Variants in SEC24D observed in about 807,000 individuals in gnomAD.
SEC24D encodes the protein SEC24 homolog D, COPII component.
In SEC24D, 69 loss-of-function variants were observed where a neutral mutation model predicts 116.9. The observed-to-expected ratio is 0.59, with a 90% CI of 0.49 to 0.72. The LOEUF (loss-of-function observed/expected upper bound fraction) is 0.72, where lower values mean the gene tolerates loss of function less well. SEC24D is among the 30% of genes least tolerant of loss of function. The probability of loss-of-function intolerance (pLI) is 0.00; values close to 1 mark genes in which losing one functional copy is unlikely to be tolerated. For synonymous variants in SEC24D, 405 were observed against 442.8 expected (o/e 0.91, Z 1.07); for missense variants, 1,131 against 1,264.1 (o/e 0.89, Z 1.60).
chr4:118,815,380 A>G (rs1177757361), intron 5 of SEC24D, 71 bp downstream of exon 5: 1 of 1,556,698 alleles, frequency 6.4e-7, no homozygotes, highest in East Asian at 2.2e-5. Flanking sequence ...TAACATAGGA[A>G]CAAAGCTGAT....
chr4:118,780,017 C>T (rs997495066), intron 8 of SEC24D, among the ~76,000 whole-genome samples: 6 of 151,984 alleles, frequency 3.9e-5, no homozygotes, highest in South Asian at 2.1e-4. Flanking sequence ...GTCTTGCTAG[C>T]GGTCTATCAA....
chr4:118,787,851 C>T (rs1728721498), intron 8 of SEC24D, among the ~76,000 whole-genome samples: 1 of 152,182 alleles, frequency 6.6e-6, no homozygotes, highest in African/African-American at 2.4e-5. Context: ...CGAGGTCTCA[C>T]TCTGACACCA....
intron 2 of SEC24D, among the ~76,000 whole-genome samples, chr4:118,829,864 A>G (rs1464684864): frequency 3.3e-5 from 5 of 152,240 alleles, no homozygotes; most frequent in Admixed American, 3.3e-4. Context: ...AACACAATGA[A>G]TAAGCATAAA....
intron 8 of SEC24D, among the ~76,000 whole-genome samples, chr4:118,794,789 T>C (rs1203233272): frequency 6.6e-6 from 1 of 152,208 alleles, no homozygotes; most frequent in East Asian, 1.9e-4. Context: ...TCAAAATTGA[T>C]TTTGTATGTA....
intron 20 of SEC24D, among the ~76,000 whole-genome samples, chr4:118,732,164 C>T (rs535729171): frequency 2.6e-5 from 4 of 152,130 alleles, no homozygotes; most frequent in South Asian, 2.1e-4. Context: ...TTTTTTGAGA[C>T]GGAGTCTTGC....
chr4:118,803,675 A>C (rs899676126), intron 7 of SEC24D, among the ~76,000 whole-genome samples: 54 of 152,232 alleles, frequency 3.5e-4, no homozygotes, highest in African/African-American at 1.3e-3. Context: ...CAGTGAAGTT[A>C]AGAACACAGG....
intron 7 of SEC24D, among the ~76,000 whole-genome samples, chr4:118,803,822 A>T (rs991586912): frequency 3.7e-4 from 56 of 152,196 alleles, no homozygotes; most frequent in African/African-American, 1.3e-3. Context: ...CCTATCTCGT[A>T]ACATTACAGG....
intron 8 of SEC24D, among the ~76,000 whole-genome samples, chr4:118,780,801 G>T (rs1181241830): frequency 6.6e-6 from 1 of 151,600 alleles, no homozygotes; most frequent in African/African-American, 2.4e-5. Context: ...GGATAGTTAG[G>T]TCTTCTTGTT....
intron 6 of SEC24D, among the ~76,000 whole-genome samples, chr4:118,806,630 G>A (rs1227705298): frequency 2.0e-5 from 3 of 151,386 alleles, no homozygotes; most frequent in Non-Finnish European, 4.4e-5. Context: ...ACTGCACCTG[G>A]CCAGCATTTT....
intron 19 of SEC24D, 156 bp from the exon 20 acceptor site, chr4:118,733,068 C>A (rs1436264893): frequency 3.2e-6 from 2 of 619,242 alleles, no homozygotes; most frequent in Non-Finnish European, 5.6e-6. Context: ...CACACAGTAA[C>A]TGGCACAGAG....
At chr4:118,726,055 A>T (rs970801690) in intron 22 of SEC24D, among the ~76,000 whole-genome samples, 1 of 152,342 alleles carries the variant, frequency 6.6e-6, no homozygotes, top group East Asian at 1.9e-4. Flanking sequence ...TGCCTTCTCC[A>T]AGGGAAGACT....
At chr4:118,794,832 CCCG>C (rs1729104365) in intron 8 of SEC24D, among the ~76,000 whole-genome samples, 1 of 151,938 alleles carries the variant, frequency 6.6e-6, no homozygotes, top group Non-Finnish European at 1.5e-5. Context: ...AATATATTAC[CCCG>C]CTGTTTTAAA....
rs776486765 is a variant in SEC24D at position 118,728,623 on chromosome 4, A to G, written c.2896T>C (p.Tyr966His). ...MTLLPEVGNP[Y>H]SQQLRMIMGI... The stretch of plus-strand genomic sequence containing the variant: ...ATTATCATTCTGAGTTGTTGAGAGT[A>G]TGGGTTTCCCACTTCAGGCAGCAAT... The change falls in exon 22 of 23, where the codon TAC becomes CAC. Residue 966 changes from tyrosine to histidine, a missense_variant. Tyr to His is a moderately conservative substitution (Grantham distance 83, BLOSUM62 2). Transcript: ENST00000280551. The G allele has an allele frequency of 6.2e-7, 1 of 1,610,502 alleles. No individual in the cohort carries two copies. The highest frequency in any genetic ancestry group is 1.1e-5 in the South Asian group (1 of 90,752).
intron 1 of SEC24D, 113 bp from the exon 2 acceptor site, chr4:118,833,850 T>A: frequency 1.7e-6 from 1 of 578,512 alleles, no homozygotes; most frequent in Non-Finnish European, 3.1e-6. Context: ...AAAGTACAGA[T>A]ATCAGGTACA....
At chr4:118,790,624 A>G (rs1430411745) in intron 8 of SEC24D, among the ~76,000 whole-genome samples, 1 of 152,092 alleles carries the variant, frequency 6.6e-6, no homozygotes, top group Non-Finnish European at 1.5e-5. Context: ...TACGAAATTT[A>G]AACAGTGACA....
intron 14 of SEC24D, among the ~76,000 whole-genome samples, chr4:118,744,457 G>A (rs1005741583): frequency 1.3e-5 from 2 of 152,196 alleles, no homozygotes; most frequent in African/African-American, 4.8e-5. Context: ...AGACTTAGAT[G>A]AGGCAACTTG....
chr4:118,832,722 G>A (rs1730916195), intron 2 of SEC24D, among the ~76,000 whole-genome samples: 2 of 152,048 alleles, frequency 1.3e-5, no homozygotes, highest in Admixed American at 1.3e-4. Flanking sequence ...GACAATACAG[G>A]AAAAGCTTTT....
chr4:118,751,587 G>A (rs1469399331), intron 13 of SEC24D, among the ~76,000 whole-genome samples: 1 of 152,144 alleles, frequency 6.6e-6, no homozygotes, highest in Admixed American at 6.5e-5. Context: ...TCTACTTCTG[G>A]CAATCAGCAT....
At chr4:118,808,604 A>G (rs902673729) in intron 6 of SEC24D, among the ~76,000 whole-genome samples, 27 of 152,212 alleles carry the variant, frequency 1.8e-4, no homozygotes, top group Non-Finnish European at 1.2e-4. Flanking sequence ...CCTCAAATGC[A>G]TGTTCTTGAA....
Sources: allele counts gnomAD v4.1 joint callset (sites outside exome capture counted in the v4.1 genomes callset), GRCh38; gene constraint gnomAD v4.1.1; transcripts MANE v1.5; gene names NCBI Gene and HGNC (gene_info 2026-07-23, HGNC 2026-07-21).